NELL1: variants seen among roughly 807,000 people sequenced by gnomAD.
The protein encoded by NELL1 is protein kinase C-binding protein NELL1.
Under a neutral mutation model 107.4 loss-of-function variants are expected in NELL1, and 76 were observed. That is an observed-to-expected ratio of 0.71 (90% CI 0.59 to 0.86). The LOEUF (loss-of-function observed/expected upper bound fraction) is 0.86, where lower values mean the gene tolerates loss of function less well. Among genes scored for constraint, NELL1 ranks in the 40% least tolerant of loss-of-function variants. NELL1 has a pLI of 0.00. For missense variants in NELL1, 1,024 were observed against 1,005.5 expected (o/e 1.02, Z -0.25); for synonymous variants, 353 against 341.2 (o/e 1.03, Z -0.38).
At chr11:21,234,860 C>A (rs1158629776) in intron 14 of NELL1, among the ~76,000 whole-genome samples, 1 of 152,140 alleles carries the variant, frequency 6.6e-6, no homozygotes, top group East Asian at 1.9e-4. Context: ...GTCAAATAGA[C>A]ATCTCACATG....
intron 15 of NELL1, among the ~76,000 whole-genome samples, chr11:21,459,953 A>G (rs900658255): frequency 6.6e-6 from 1 of 152,080 alleles, no homozygotes; most frequent in African/African-American, 2.4e-5. Context: ...GAAGCAGGTT[A>G]TATTCTTATG....
chr11:21,234,590 C>A (rs1398158694), intron 14 of NELL1, among the ~76,000 whole-genome samples: 2 of 152,294 alleles, frequency 1.3e-5, no homozygotes, highest in East Asian at 3.9e-4. Context: ...TGTAGAAACT[C>A]CAGGAACATA....
intron 13 of NELL1, among the ~76,000 whole-genome samples, chr11:21,174,242 T>A (rs1856665843): frequency 6.6e-6 from 1 of 151,824 alleles, no homozygotes; most frequent in Admixed American, 6.6e-5. Flanking sequence ...ACTGATTCTG[T>A]CCCAGGCAAA....
rs569796475 is a variant in NELL1 at position 20,848,856 on chromosome 11, C to T, written c.506+1103C>T. ...GTTGTCAGGCTCAAGGGAAGGTTTG[C>T]CATCTTGAGGTGAGTCTTGGTCCAT... On this transcript the variant is annotated intron_variant, in intron 4 of 19. Transcript: ENST00000357134. Among the ~76,000 whole-genome samples, 6 of 152,262 alleles carry T rather than the reference C, an allele frequency of 3.9e-5. No individual in the cohort carries two copies. In the East Asian group the frequency reaches 9.6e-4, roughly 24 times the overall value.
chr11:20,928,913 G>A (rs188274022), intron 9 of NELL1, among the ~76,000 whole-genome samples: 1 of 152,242 alleles, frequency 6.6e-6, no homozygotes, highest in African/African-American at 2.4e-5. Context: ...CTTATTAAGA[G>A]GCCTTTGTTA....
intron 13 of NELL1, among the ~76,000 whole-genome samples, chr11:21,228,729 C>G (rs868610092): frequency 8.8e-6 from 1 of 114,094 alleles, no homozygotes; most frequent in East Asian, 3.3e-4. Context: ...TCCTTCCCTC[C>G]CCTCCCTCCC....
chr11:20,777,142 A>C (rs969174224), intron 2 of NELL1, among the ~76,000 whole-genome samples: 1 of 152,222 alleles, frequency 6.6e-6, no homozygotes, highest in African/African-American at 2.4e-5. Context: ...TCATGGAACC[A>C]GCTTTCCAGG....
At chr11:21,336,121 G>GT (rs1032604543) in intron 14 of NELL1, among the ~76,000 whole-genome samples, 2 of 152,000 alleles carry the variant, frequency 1.3e-5, no homozygotes, top group South Asian at 2.1e-4. Context: ...AAGCCTCAGT[G>GT]TTTTTTTCGT....
At chr11:21,358,748 A>T (rs919553664) in intron 14 of NELL1, among the ~76,000 whole-genome samples, 2 of 136,146 alleles carry the variant, frequency 1.5e-5, no homozygotes, top group Non-Finnish European at 3.3e-5. Context: ...TTGTTGTTGC[A>T]GCTGTTGTAA....
chr11:21,102,067 A>C (rs886882133), intron 12 of NELL1, among the ~76,000 whole-genome samples: 1 of 152,052 alleles, frequency 6.6e-6, no homozygotes, highest in Non-Finnish European at 1.5e-5. Flanking sequence ...TGTCCAGGCT[A>C]GTCTCGAACT....
chr11:21,048,978 G>GA (rs1165739867), intron 12 of NELL1, among the ~76,000 whole-genome samples: 3 of 152,036 alleles, frequency 2.0e-5, no homozygotes, highest in African/African-American at 7.2e-5. Context: ...CGATATCTGT[G>GA]AAAAAAATGG....
intron 14 of NELL1, among the ~76,000 whole-genome samples, chr11:21,263,022 T>C (rs1315467918): frequency 6.6e-6 from 1 of 151,954 alleles, no homozygotes; most frequent in Non-Finnish European, 1.5e-5. Context: ...ATTTCTGTTG[T>C]CCTCTTTTAT....
intron 15 of NELL1, among the ~76,000 whole-genome samples, chr11:21,526,502 T>A (rs920678019): frequency 7.9e-5 from 12 of 151,974 alleles, no homozygotes; most frequent in Non-Finnish European, 1.8e-4. Flanking sequence ...CAGTGGGGAG[T>A]CTGTATGGGG....
At chr11:21,118,297 A>G (rs568442490) in intron 13 of NELL1, among the ~76,000 whole-genome samples, 1 of 152,056 alleles carries the variant, frequency 6.6e-6, no homozygotes. Flanking sequence ...ACAATGGGGA[A>G]TATGGATGGG....
chr11:20,674,055 T>C (rs573484760), intron 1 of NELL1, among the ~76,000 whole-genome samples: 49 of 152,314 alleles, frequency 3.2e-4, no homozygotes, highest in Admixed American at 2.5e-3. Flanking sequence ...GATTTCTCTT[T>C]TTTTGGCTCT....
intron 12 of NELL1, among the ~76,000 whole-genome samples, chr11:20,993,996 A>G (rs1467822749): frequency 2.0e-5 from 3 of 152,234 alleles, no homozygotes; most frequent in African/African-American, 7.2e-5. Context: ...TTATATTTTC[A>G]AAGATAGAAA....
intron 13 of NELL1, among the ~76,000 whole-genome samples, chr11:21,135,058 T>C (rs2133763324): frequency 6.6e-6 from 1 of 152,304 alleles, no homozygotes; most frequent in Non-Finnish European, 1.5e-5. Context: ...TCTGTTATTT[T>C]TGTTTTTCAC....
intron 15 of NELL1, among the ~76,000 whole-genome samples, chr11:21,377,297 G>C (rs1356260546): frequency 4.6e-5 from 7 of 152,132 alleles, no homozygotes; most frequent in Non-Finnish European, 8.8e-5. Context: ...CATCTATGGA[G>C]ATAATCATAT....
At chr11:21,380,499 T>C (rs1306142692) in intron 15 of NELL1, among the ~76,000 whole-genome samples, 1 of 151,994 alleles carries the variant, frequency 6.6e-6, no homozygotes, top group East Asian at 1.9e-4. Context: ...AGCTGAGAAG[T>C]CTTGCCCTGT....
Sources: allele counts gnomAD v4.1 joint callset (sites outside exome capture counted in the v4.1 genomes callset), GRCh38; gene constraint gnomAD v4.1.1; transcripts MANE v1.5; gene names NCBI Gene and HGNC (gene_info 2026-07-23, HGNC 2026-07-21).